The following CPHXL2 variants were observed in gnomAD, a reference collection of about 807,000 sequenced individuals.
CPHXL2 encodes cytoplasmic polyadenylated homeobox like 2.
At chr16:75,661,757 C>T in the CPHXL2 span, among the ~76,000 whole-genome samples, 1 of 152,074 alleles carries the variant, frequency 6.6e-6, no homozygotes, top group Non-Finnish European at 1.5e-5. Flanking sequence ...TCAAGTTTCA[C>T]AAGTAAAGAG....
the CPHXL2 span, among the ~76,000 whole-genome samples, chr16:75,675,017 C>T: frequency 5.3e-5 from 8 of 151,170 alleles, no homozygotes; most frequent in Admixed American, 2.6e-4. Context: ...GGTGAAACCC[C>T]GTCTCTACTA....
At chr16:75,660,542 C>T in the CPHXL2 span, 1 of 398,666 alleles carries the variant, frequency 2.5e-6, no homozygotes, top group Admixed American at 4.4e-5. Flanking sequence ...GCAGCTGTTC[C>T]TGCAACATCA....
the CPHXL2 span, among the ~76,000 whole-genome samples, chr16:75,672,727 C>T: frequency 6.6e-6 from 1 of 152,094 alleles, no homozygotes; most frequent in African/African-American, 2.4e-5. Flanking sequence ...TAGGATCAAG[C>T]AATCCTCCTG....
At chr16:75,668,013 C>T in the CPHXL2 span, among the ~76,000 whole-genome samples, 2 of 152,132 alleles carry the variant, frequency 1.3e-5, no homozygotes. Flanking sequence ...TCCACCTGCA[C>T]AGCTAGCAAG....
At chr16:75,672,169 C>T in the CPHXL2 span, among the ~76,000 whole-genome samples, 1 of 151,436 alleles carries the variant, frequency 6.6e-6, no homozygotes, top group African/African-American at 2.4e-5. Flanking sequence ...ATCCCAGCTA[C>T]TCAGGTGGCT....
chr16:75,670,221 A>C, the CPHXL2 span, among the ~76,000 whole-genome samples: 1 of 152,106 alleles, frequency 6.6e-6, no homozygotes, highest in Non-Finnish European at 1.5e-5. Context: ...CTGAGAATTT[A>C]TCTTTAAAAT....
At chr16:75,666,648 CT>C in the CPHXL2 span, among the ~76,000 whole-genome samples, 1 of 147,236 alleles carries the variant, frequency 6.8e-6, no homozygotes, top group African/African-American at 2.5e-5. Flanking sequence ...GACATCAATA[CT>C]TCACTGACAG....
chr16:75,675,259 A>G, the CPHXL2 span, among the ~76,000 whole-genome samples: 2 of 150,238 alleles, frequency 1.3e-5, no homozygotes, highest in Non-Finnish European at 1.5e-5. Flanking sequence ...TGACCTCGTG[A>G]TCTGCCCGAC....
the CPHXL2 span, among the ~76,000 whole-genome samples, chr16:75,664,365 C>T: frequency 1.3e-5 from 2 of 152,124 alleles, no homozygotes; most frequent in African/African-American, 4.8e-5. Flanking sequence ...GTGGCTCATG[C>T]CTGTAATCCC....
chr16:75,663,673 G>A, the CPHXL2 span, among the ~76,000 whole-genome samples: 4 of 152,146 alleles, frequency 2.6e-5, no homozygotes, highest in East Asian at 7.8e-4. Flanking sequence ...CACGAGGTCA[G>A]GAGATTGAGA....
the CPHXL2 span, among the ~76,000 whole-genome samples, chr16:75,667,011 TTA>T: frequency 0.038 from 5,829 of 152,078 alleles, 155 homozygotes; most frequent in South Asian, 0.068. Flanking sequence ...AAGATGGAAG[TTA>T]AAAAATTCTT....
the CPHXL2 span, among the ~76,000 whole-genome samples, chr16:75,671,241 T>C: frequency 6.6e-6 from 1 of 151,596 alleles, no homozygotes; most frequent in Non-Finnish European, 1.5e-5. Context: ...GCACCTACAA[T>C]CCCAGCTATT....
the CPHXL2 span, among the ~76,000 whole-genome samples, chr16:75,671,896 A>T: frequency 1.3e-5 from 2 of 152,230 alleles, no homozygotes; most frequent in Non-Finnish European, 2.9e-5. Context: ...CAGCCATGTA[A>T]GGATGGCTTT....
chr16:75,662,783 A>T, the CPHXL2 span, among the ~76,000 whole-genome samples: 3 of 151,184 alleles, frequency 2.0e-5, no homozygotes, highest in Admixed American at 2.0e-4. Flanking sequence ...TGGTTTGAAT[A>T]AGGGAGATAA....
the CPHXL2 span, among the ~76,000 whole-genome samples, chr16:75,673,075 CAAAAA>C: frequency 9.6e-5 from 7 of 73,180 alleles, no homozygotes; most frequent in African/African-American, 3.3e-4. Flanking sequence ...GACCTTGTCT[CAAAAA>C]AAAAAAAAAA....
At chr16:75,666,895 TGGAA>T in the CPHXL2 span, among the ~76,000 whole-genome samples, 1 of 152,108 alleles carries the variant, frequency 6.6e-6, no homozygotes, top group Non-Finnish European at 1.5e-5. Context: ...CAGACCACAG[TGGAA>T]TAAAACTGGG....
At chr16:75,660,272 G>A in the CPHXL2 span, 1 of 398,522 alleles carries the variant, frequency 2.5e-6, no homozygotes, top group Non-Finnish European at 4.4e-6. Context: ...ACTTTGCAAA[G>A]CTGCATCCTT....
At chr16:75,674,573 T>C in the CPHXL2 span, among the ~76,000 whole-genome samples, 1 of 152,160 alleles carries the variant, frequency 6.6e-6, no homozygotes, top group Admixed American at 6.6e-5. Flanking sequence ...AGCTAACTGC[T>C]TTGGAGAAAT....
chr16:75,669,592 GA>G, the CPHXL2 span: 1 of 398,406 alleles, frequency 2.5e-6, no homozygotes, highest in Non-Finnish European at 4.4e-6. Context: ...GAGCATTGGA[GA>G]ATATTGGTAA....
Sources: gnomAD v4.1 joint callset for allele counts (sites outside exome capture counted in the v4.1 genomes callset) on GRCh38, gnomAD v4.1.1 for gene constraint, MANE v1.5 for transcripts, NCBI Gene and HGNC (gene_info 2026-07-23, HGNC 2026-07-21) for gene names.